DNAH14: variants seen among roughly 807,000 people sequenced by gnomAD.
DNAH14 encodes the protein axonemal beta dynein heavy chain 14.
In DNAH14, 478 loss-of-function variants were observed where a neutral mutation model predicts 520.9. The observed-to-expected ratio is 0.92, with a 90% CI of 0.85 to 0.99. The LOEUF is 0.99. Ranked by LOEUF, DNAH14 falls within the 50% of genes least tolerant of loss-of-function variation. DNAH14 has a pLI of 0.00. For synonymous variants in DNAH14, 1,581 were observed against 1,757.2 expected, an observed-to-expected ratio of 0.90 and a Z score of 2.51; for missense variants, 4,831 against 5,234.5, an observed-to-expected ratio of 0.92 and a Z score of 2.38.
At chr1:225,378,853 TG>T (rs1206433806) in intron 79 of DNAH14, among the ~76,000 whole-genome samples, 1 of 136,186 alleles carries the variant, frequency 7.3e-6, no homozygotes, top group African/African-American at 2.8e-5. Flanking sequence ...GCACTCCAGC[TG>T]GGGTGACAGT....
intron 42 of DNAH14, among the ~76,000 whole-genome samples, chr1:225,237,258 T>A (rs923918823): frequency 1.3e-5 from 2 of 151,734 alleles, no homozygotes; most frequent in African/African-American, 4.8e-5. Context: ...CATAAAGGAT[T>A]TTTTTTTTCT....
chr1:225,369,160 A>G (rs1051891576), intron 77 of DNAH14, among the ~76,000 whole-genome samples: 2 of 152,168 alleles, frequency 1.3e-5, no homozygotes. Flanking sequence ...ATAAATAACA[A>G]TTTGATCAAG....
chr1:225,242,761 T>C (rs1574245291), intron 43 of DNAH14, among the ~76,000 whole-genome samples: 2 of 152,216 alleles, frequency 1.3e-5, no homozygotes, highest in Non-Finnish European at 2.9e-5. Flanking sequence ...TGTAGATAAT[T>C]GTATATGCAA....
At chr1:225,280,829 A>C (rs2093613056) in intron 54 of DNAH14, among the ~76,000 whole-genome samples, 1 of 152,216 alleles carries the variant, frequency 6.6e-6, no homozygotes, top group Non-Finnish European at 1.5e-5. Flanking sequence ...AACAGAAGGC[A>C]TTGGAGCAGC....
At chr1:225,273,172 C>A (rs2093359351) in intron 52 of DNAH14, 47 bp downstream of exon 52, 1 of 1,502,112 alleles carries the variant, frequency 6.7e-7, no homozygotes, top group Middle Eastern at 1.8e-4. Flanking sequence ...GTGGCTTACG[C>A]CTGTAATCCC....
chr1:225,033,135 A>G (rs2066667230), intron 11 of DNAH14, among the ~76,000 whole-genome samples: 1 of 151,944 alleles, frequency 6.6e-6, no homozygotes, highest in Non-Finnish European at 1.5e-5. Flanking sequence ...TTGTGTCTTC[A>G]TCATTAAATC....
intron 34 of DNAH14, among the ~76,000 whole-genome samples, chr1:225,158,610 A>C (rs1161563810): frequency 2.6e-5 from 4 of 152,342 alleles, no homozygotes; most frequent in East Asian, 3.9e-4. Flanking sequence ...ATGTTACTTT[A>C]GTGAATATTT....
chr1:225,221,995 G>T (rs2090086872), intron 41 of DNAH14, among the ~76,000 whole-genome samples: 2 of 152,158 alleles, frequency 1.3e-5, no homozygotes, highest in South Asian at 4.1e-4. Flanking sequence ...GCTTATCGGG[G>T]CTCACTCTCT....
At chr1:224,988,514 TTGG>T (rs1286725370) in intron 8 of DNAH14, among the ~76,000 whole-genome samples, 3 of 152,208 alleles carry the variant, frequency 2.0e-5, no homozygotes, top group Non-Finnish European at 4.4e-5. Context: ...TTTTATACTG[TTGG>T]TGGGAATGTG....
At chr1:224,988,145 T>A (rs1236122067) in intron 8 of DNAH14, among the ~76,000 whole-genome samples, 5 of 152,152 alleles carry the variant, frequency 3.3e-5, no homozygotes, top group African/African-American at 1.2e-4. Flanking sequence ...TAAGTGAGAA[T>A]ATGCGGTGTT....
chr1:225,315,329 G>A (rs2094446684), intron 60 of DNAH14, among the ~76,000 whole-genome samples: 2 of 151,792 alleles, frequency 1.3e-5, no homozygotes, highest in Non-Finnish European at 2.9e-5. Flanking sequence ...ATTCTAGTTA[G>A]CAATTCCTCT....
chr1:225,157,923 A>G (rs2081192294), intron 34 of DNAH14, among the ~76,000 whole-genome samples: 1 of 152,232 alleles, frequency 6.6e-6, no homozygotes, highest in Non-Finnish European at 1.5e-5. Flanking sequence ...GAGTGGTTAT[A>G]GGAATACAAT....
chr1:225,167,237 T>C (rs543487870), intron 35 of DNAH14, among the ~76,000 whole-genome samples: 1 of 152,340 alleles, frequency 6.6e-6, no homozygotes, highest in Admixed American at 6.5e-5. Flanking sequence ...TGCTTTGTTC[T>C]GTCTCAATGT....
chr1:225,106,560 C>T (rs2076065272), intron 23 of DNAH14, among the ~76,000 whole-genome samples: 1 of 152,188 alleles, frequency 6.6e-6, no homozygotes. Context: ...TCCCATATTT[C>T]TTGGAGGCTT....
chr1:225,165,827 C>T (rs1486340135), intron 35 of DNAH14, among the ~76,000 whole-genome samples: 4 of 152,138 alleles, frequency 2.6e-5, no homozygotes, highest in South Asian at 2.1e-4. Flanking sequence ...TCAAGCCGTC[C>T]GTCTGCCTCA....
At chr1:225,248,604 C>T (rs951084373) in intron 43 of DNAH14, among the ~76,000 whole-genome samples, 5 of 152,040 alleles carry the variant, frequency 3.3e-5, no homozygotes, top group Non-Finnish European at 1.5e-5. Context: ...AGTATATACC[C>T]AGGTCAGTAT....
intron 37 of DNAH14, among the ~76,000 whole-genome samples, chr1:225,187,166 C>T (rs2084865683): frequency 6.6e-6 from 1 of 151,794 alleles, no homozygotes; most frequent in South Asian, 2.1e-4. Context: ...AGGTAAAATT[C>T]ACACACATGA....
intron 77 of DNAH14, among the ~76,000 whole-genome samples, chr1:225,371,154 G>A (rs1239033875): frequency 1.3e-5 from 2 of 152,078 alleles, no homozygotes; most frequent in East Asian, 1.9e-4. Flanking sequence ...ATGAATACCT[G>A]AATAATATAC....
At chr1:225,364,666 T>C in intron 75 of DNAH14, 126 bp from the exon 76 acceptor site, 1 of 603,314 alleles carries the variant, frequency 1.7e-6, no homozygotes, top group South Asian at 3.2e-5. Context: ...CTTCTGATAA[T>C]ACAGTAAGAT....
Sources: gnomAD v4.1 joint callset for allele counts (sites outside exome capture counted in the v4.1 genomes callset) on GRCh38, gnomAD v4.1.1 for gene constraint, MANE v1.5 for transcripts, NCBI Gene and HGNC (gene_info 2026-07-23, HGNC 2026-07-21) for gene names.